Variants in SGCD observed in about 807,000 individuals in gnomAD.
SGCD encodes the protein sarcoglycan delta.
In SGCD, 18 loss-of-function variants were observed where a neutral mutation model predicts 36.6. The observed-to-expected ratio is 0.49, with a 90% CI of 0.34 to 0.73. The LOEUF is 0.73. SGCD is among the 30% of genes least tolerant of loss of function. The pLI is 0.01. For synonymous variants in SGCD, 133 were observed against 130.6 expected (o/e 1.02, Z -0.12); for missense variants, 387 against 346.7 (o/e 1.12, Z -0.92).
intron 1 of SGCD, among the ~76,000 whole-genome samples, chr5:155,871,640 G>C (rs990695976): frequency 2.6e-5 from 4 of 152,128 alleles, no homozygotes; most frequent in African/African-American, 7.2e-5. Flanking sequence ...GAGCATCAGT[G>C]GTGTAGCAGG....
At chr5:156,284,562 C>G (rs201858085) in intron 3 of SGCD, among the ~76,000 whole-genome samples, 1 of 152,026 alleles carries the variant, frequency 6.6e-6, no homozygotes, top group African/African-American at 2.4e-5. Flanking sequence ...ACAGAACCAA[C>G]GACAAAAACC....
chr5:156,489,250 C>G (rs1755835617), intron 3 of SGCD, among the ~76,000 whole-genome samples: 1 of 151,944 alleles, frequency 6.6e-6, no homozygotes, highest in South Asian at 2.1e-4. Context: ...ATTATTGGAT[C>G]TAAAGAGAAA....
chr5:155,964,909 A>G (rs1465858883), intron 1 of SGCD, among the ~76,000 whole-genome samples: 14 of 152,140 alleles, frequency 9.2e-5, no homozygotes. Context: ...CTATTTGTAC[A>G]AATGAATGCC....
intron 3 of SGCD, among the ~76,000 whole-genome samples, chr5:156,400,471 C>T (rs988425682): frequency 3.3e-5 from 5 of 152,154 alleles, no homozygotes; most frequent in African/African-American, 9.7e-5. Flanking sequence ...CAGATAACTA[C>T]TGAAGCACAA....
intron 7 of SGCD, among the ~76,000 whole-genome samples, chr5:156,749,898 G>A (rs557264181): frequency 6.1e-4 from 92 of 151,984 alleles, no homozygotes; most frequent in South Asian, 1.0e-3. Flanking sequence ...GATAGAACCC[G>A]ACATTGGTAT....
intron 6 of SGCD, among the ~76,000 whole-genome samples, chr5:156,628,355 C>T (rs1015295371): frequency 1.3e-5 from 2 of 152,188 alleles, no homozygotes; most frequent in Non-Finnish European, 2.9e-5. Context: ...CAACTTGGTT[C>T]ACTTACCAAA....
At position 156,055,159 on chromosome 5, in the gene SGCD, T is replaced by TC. The variant is rs1489577479; in HGVS notation, c.-281-62715dup. Among the ~76,000 whole-genome samples, 11 of 143,484 alleles carry TC rather than the reference T, an allele frequency of 7.7e-5. 1 individual carries two copies. Among genetic ancestry groups the TC allele is most frequent in the African/African-American group, 2.6e-4 (10 of 38,644 alleles). The allele number at this position is 143,484 out of a possible 152,430, so 94.1% of individuals were successfully genotyped here. A position where few individuals can be genotyped will look rare whatever the true frequency, so the allele number is the denominator to read the frequency against. On this transcript the variant is annotated intron_variant, in intron 1 of 9. Coordinates refer to the SGCD transcript ENST00000517913. ...GCTTCCAGTTTTCTATTTTTTTTTT[T>TC]CCCCATAGAAGAATTCAGCCCTGAG... is the stretch of plus-strand genomic sequence containing the variant.
chr5:156,372,607 C>T (rs1358206017), intron 3 of SGCD, among the ~76,000 whole-genome samples: 1 of 152,162 alleles, frequency 6.6e-6, no homozygotes, highest in African/African-American at 2.4e-5. Context: ...ATATCTTCCT[C>T]CATCAACCAA....
chr5:156,360,352 A>G (rs1439720954), intron 3 of SGCD, among the ~76,000 whole-genome samples: 1 of 151,010 alleles, frequency 6.6e-6, no homozygotes, highest in Non-Finnish European at 1.5e-5. Flanking sequence ...GGTTCAAGCA[A>G]TTTTCTTGCC....
At chr5:156,338,601 A>G (rs898959502) in intron 2 of SGCD, among the ~76,000 whole-genome samples, 45 of 152,170 alleles carry the variant, frequency 3.0e-4, no homozygotes, top group African/African-American at 9.4e-4. Flanking sequence ...CAGACTTATC[A>G]CTTTGAAGCT....
chr5:156,017,489 G>A (rs1759010719), intron 1 of SGCD, among the ~76,000 whole-genome samples: 1 of 151,592 alleles, frequency 6.6e-6, no homozygotes, highest in South Asian at 2.1e-4. Context: ...ATTTATTCAA[G>A]TTTTCTAATT....
At chr5:156,550,944 T>A (rs1758769088) in intron 4 of SGCD, among the ~76,000 whole-genome samples, 1 of 152,248 alleles carries the variant, frequency 6.6e-6, no homozygotes, top group Non-Finnish European at 1.5e-5. Context: ...CTTTCATTTT[T>A]CAAGACAGAC....
At chr5:156,007,035 C>A (rs1758771731) in intron 1 of SGCD, among the ~76,000 whole-genome samples, 1 of 152,196 alleles carries the variant, frequency 6.6e-6, no homozygotes, top group Non-Finnish European at 1.5e-5. Context: ...ACCTTGAAAT[C>A]GTTTCATAGT....
At chr5:156,750,592 G>T (rs1264983891) in intron 7 of SGCD, among the ~76,000 whole-genome samples, 1 of 150,968 alleles carries the variant, frequency 6.6e-6, no homozygotes, top group Non-Finnish European at 1.5e-5. Flanking sequence ...GCTGTAGTAA[G>T]CCAAGATTGC....
chr5:155,920,891 A>G (rs1204686731), intron 1 of SGCD, among the ~76,000 whole-genome samples: 1 of 151,998 alleles, frequency 6.6e-6, no homozygotes, highest in Non-Finnish European at 1.5e-5. Context: ...ACAATCCGCT[A>G]CTCTGGTAAG....
chr5:156,557,759 C>T (rs1466663484), intron 4 of SGCD, among the ~76,000 whole-genome samples: 1 of 152,082 alleles, frequency 6.6e-6, no homozygotes, highest in Non-Finnish European at 1.5e-5. Context: ...TATATCCCCT[C>T]TGCCTCCTCA....
intron 3 of SGCD, among the ~76,000 whole-genome samples, chr5:156,260,872 G>GT (rs1378987937): frequency 2.0e-5 from 3 of 152,046 alleles, no homozygotes; most frequent in Non-Finnish European, 4.4e-5. Context: ...TTTGCTGAGA[G>GT]TTTTATCATG....
intron 3 of SGCD, among the ~76,000 whole-genome samples, chr5:156,203,870 A>G (rs1018503309): frequency 1.3e-5 from 2 of 152,102 alleles, no homozygotes; most frequent in African/African-American, 4.8e-5. Flanking sequence ...ATTTTTTAAA[A>G]CCAATGATTG....
intron 6 of SGCD, among the ~76,000 whole-genome samples, chr5:156,614,259 C>A (rs1414977203): frequency 1.3e-5 from 2 of 152,186 alleles, no homozygotes; most frequent in Non-Finnish European, 2.9e-5. Context: ...TTATTACTTT[C>A]ATTAACAGAT....
Sources: gnomAD v4.1 joint callset for allele counts (sites outside exome capture counted in the v4.1 genomes callset) on GRCh38, gnomAD v4.1.1 for gene constraint, MANE v1.5 for transcripts, NCBI Gene and HGNC (gene_info 2026-07-23, HGNC 2026-07-21) for gene names.